Variants in SYTL2 observed in about 807,000 individuals in gnomAD.
SYTL2 encodes the protein synaptotagmin-like protein 2.
SYTL2 carries 165 observed loss-of-function variants against 198.7 expected under a neutral mutation model. The observed-to-expected ratio is 0.83, with a 90% CI of 0.73 to 0.94. SYTL2 has a LOEUF of 0.94. Ranked by LOEUF, SYTL2 falls within the 40% of genes least tolerant of loss-of-function variation. SYTL2 has a pLI of 0.00. For synonymous variants in SYTL2, 966 were observed against 917.7 expected (o/e 1.05, Z -0.95); for missense variants, 2,835 against 2,582.8 (o/e 1.10, Z -2.12).
chr11:85,765,086 C>T (rs762013938), intron 1 of SYTL2, among the ~76,000 whole-genome samples: 3 of 152,098 alleles, frequency 2.0e-5, no homozygotes, highest in Non-Finnish European at 2.9e-5. Context: ...TTAAGTTGGG[C>T]TTCTTGAGAG....
the SYTL2 span, among the ~76,000 whole-genome samples, chr11:85,837,703 T>C: frequency 6.6e-6 from 1 of 152,186 alleles, no homozygotes; most frequent in Non-Finnish European, 1.5e-5. Flanking sequence ...ATCTGATTTC[T>C]ACCCTGGAGG....
chr11:85,742,985 T>C (rs771661523), intron 4 of SYTL2, among the ~76,000 whole-genome samples: 3 of 152,234 alleles, frequency 2.0e-5, no homozygotes, highest in Non-Finnish European at 4.4e-5. Flanking sequence ...CTTGACTACA[T>C]GCTGGGTACC....
In SYTL2 at chr11:85,734,161, G is replaced by T. The variant is rs1057397538; in HGVS notation, c.1168C>A (p.Pro390Thr). 6.2e-7 allele frequency: 1 copy of T among 1,614,016 alleles called. No individual in the cohort carries two copies. The highest frequency in any genetic ancestry group is 1.3e-5 in the African/African-American group (1 of 74,920). ...SDPKPSQYRK[P>T]SLFHQSTSSP... ...GAGGTTGATTGATGAAAAAGCGAAGGCTTTCTGTATTGAGAAGGCTTAGGG... is the reference window on the plus strand; with the variant it reads ...GAGGTTGATTGATGAAAAAGCGAAGTCTTTCTGTATTGAGAAGGCTTAGGG... Residue 390 changes from proline to threonine, a missense_variant, in exon 7 of 20, where the codon CCT (proline) becomes ACT (threonine). Physicochemically the swap from Pro to Thr is conservative, Grantham distance 38. Coordinates refer to ENST00000359152, the MANE Select transcript of SYTL2 (RefSeq NM_206927.4).
intron 1 of SYTL2, among the ~76,000 whole-genome samples, chr11:85,789,374 ATATG>A (rs1294995366): frequency 0.019 from 847 of 44,014 alleles, 2 homozygotes; most frequent in South Asian, 0.027. Flanking sequence ...ATATATATAT[ATATG>A]TATATATATA....
At chr11:85,818,294 TTTA>T in the SYTL2 span, among the ~76,000 whole-genome samples, 1 of 152,194 alleles carries the variant, frequency 6.6e-6, no homozygotes, top group East Asian at 1.9e-4. Context: ...ACATCCCTTG[TTTA>T]TTAAATTACT....
chr11:85,774,626 T>G (rs1381012957), intron 1 of SYTL2, among the ~76,000 whole-genome samples: 8 of 152,196 alleles, frequency 5.3e-5, no homozygotes, highest in Non-Finnish European at 1.2e-4. Flanking sequence ...ATTTTTTACG[T>G]GATCCCAATT....
intron 1 of SYTL2, among the ~76,000 whole-genome samples, chr11:85,786,410 G>C (rs1177418327): frequency 6.6e-6 from 1 of 152,144 alleles, no homozygotes; most frequent in Non-Finnish European, 1.5e-5. Context: ...ACACACATTA[G>C]TAAACTGGAA....
At chr11:85,807,415 A>T (rs576085528) in intron 1 of SYTL2, among the ~76,000 whole-genome samples, 1 of 152,344 alleles carries the variant, frequency 6.6e-6, no homozygotes, top group South Asian at 2.1e-4. Flanking sequence ...TATTAATAGC[A>T]TACACACATG....
rs571480461 is a variant in SYTL2, at chr11:85,758,005, A to G, written c.-280T>C. On this transcript the variant is annotated 5_prime_UTR_variant, in exon 2 of 20. Coordinates refer to ENST00000359152, the MANE Select transcript of SYTL2 (RefSeq NM_206927.4). ...CTTGCCAAACAGGTCGCTTGTTCCT[A>G]TGGTGGCTTCCAGCACACTCACTCT... is the stretch of plus-strand genomic sequence containing the variant. The G allele has an allele frequency of 8.4e-6, 3 of 355,648 alleles. No homozygotes were observed. Among genetic ancestry groups the G allele is most frequent in the Admixed American group, 3.8e-5 (1 of 26,514 alleles). 22.0% of individuals were successfully genotyped at this position (355,648 alleles called of 1,614,324 possible).
chr11:85,718,767 C>G (rs115218567), intron 10 of SYTL2, 23 bp downstream of exon 10: 1 of 1,609,092 alleles, frequency 6.2e-7, no homozygotes, highest in Non-Finnish European at 8.5e-7. Flanking sequence ...AAGACAGACA[C>G]GCAAATACAT....
chr11:85,853,852 G>C, the SYTL2 span: 1 of 149,840 alleles, frequency 6.7e-6, no homozygotes, highest in East Asian at 1.9e-4. Context: ...ACATATCCAG[G>C]TACATACTCT....
chr11:85,850,003 A>G, the SYTL2 span, among the ~76,000 whole-genome samples: 95 of 146,674 alleles, frequency 6.5e-4, 1 homozygote, highest in African/African-American at 2.2e-3. Flanking sequence ...GGTCCTTCAC[A>G]TCCCTTGTAA....
chr11:85,827,785 G>C, the SYTL2 span, among the ~76,000 whole-genome samples: 1 of 152,178 alleles, frequency 6.6e-6, no homozygotes, highest in Non-Finnish European at 1.5e-5. Flanking sequence ...GAAAATCCTT[G>C]TCAAGTCTGT....
intron 12 of SYTL2, 117 bp from the exon 13 acceptor site, chr11:85,711,349 G>T: frequency 1.8e-6 from 2 of 1,081,680 alleles, no homozygotes; most frequent in Non-Finnish European, 2.6e-6. Flanking sequence ...CAAGGTCAAA[G>T]GATGCTAGTG....
rs1036300068 is a variant in SYTL2 at position 85,717,570 on chromosome 11, A to G, written c.5483-40T>C. The G allele has an allele frequency of 5.2e-6, 8 of 1,530,212 alleles. No individual in the cohort carries two copies. In the African/African-American group the frequency reaches 1.1e-4, roughly 21 times the overall value. The allele number at this position is 1,530,212 out of a possible 1,614,324, so 94.8% of individuals were successfully genotyped here. A position where few individuals can be genotyped will look rare whatever the true frequency, so the allele number is the denominator to read the frequency against. On this transcript the variant is annotated intron_variant, in intron 10 of 19. Coordinates refer to ENST00000359152, the MANE Select transcript of SYTL2 (RefSeq NM_206927.4). ...AACATTGAGAATAAATACCATTTTA[A>G]CAGAAGGATTAAAGAGACATGAAAG...
the SYTL2 span, among the ~76,000 whole-genome samples, chr11:85,851,038 AG>A: frequency 1.4e-5 from 1 of 69,004 alleles, no homozygotes; most frequent in African/African-American, 6.2e-5. Context: ...GGGTGGGGGG[AG>A]GGGGGAGGGA....
At chr11:85,783,927 C>G (rs1010060654) in intron 1 of SYTL2, among the ~76,000 whole-genome samples, 1 of 152,170 alleles carries the variant, frequency 6.6e-6, no homozygotes, top group Non-Finnish European at 1.5e-5. Flanking sequence ...TGGCCTGGCT[C>G]ATTTTCTGAT....
intron 1 of SYTL2, among the ~76,000 whole-genome samples, chr11:85,791,594 C>T (rs2092731630): frequency 6.6e-6 from 1 of 152,150 alleles, no homozygotes; most frequent in African/African-American, 2.4e-5. Flanking sequence ...AAGTTTTTAC[C>T]ATCTAACTGC....
At chr11:85,723,034 G>C (rs2088588779) in intron 8 of SYTL2, among the ~76,000 whole-genome samples, 1 of 152,186 alleles carries the variant, frequency 6.6e-6, no homozygotes, top group South Asian at 2.1e-4. Flanking sequence ...AGCATCAGTT[G>C]TGCAACTTTG....
Sources: allele counts gnomAD v4.1 joint callset (sites outside exome capture counted in the v4.1 genomes callset), GRCh38; gene constraint gnomAD v4.1.1; transcripts MANE v1.5; gene names NCBI Gene and HGNC (gene_info 2026-07-23, HGNC 2026-07-21).